Variants in PRKD1 observed in about 807,000 individuals in gnomAD.
PRKD1 encodes protein kinase D1, also known as serine/threonine-protein kinase D1.
PRKD1 carries 63 observed loss-of-function variants against 95.9 expected under a neutral mutation model. The ratio of observed to expected loss-of-function variants is 0.66; its 90% CI spans 0.54 to 0.81. The LOEUF (loss-of-function observed/expected upper bound fraction) is 0.81. PRKD1 is among the 30% of genes least tolerant of loss of function. The pLI, the probability that PRKD1 is intolerant of heterozygous loss-of-function variation, is 0.00. For synonymous variants in PRKD1, 425 were observed against 423.1 expected (o/e 1.00, Z -0.05); for missense variants, 1,048 against 1,165.3 (o/e 0.90, Z 1.47).
intron 1 of PRKD1, among the ~76,000 whole-genome samples, chr14:29,735,922 A>G (rs17386482): frequency 0.15 from 22,421 of 152,274 alleles, 1,984 homozygotes; most frequent in South Asian, 0.22. Context: ...AAAATTAGGT[A>G]GAATAATACC....
chr14:29,701,716 A>G (rs769008628), intron 2 of PRKD1, among the ~76,000 whole-genome samples: 15 of 152,130 alleles, frequency 9.9e-5, no homozygotes, highest in Non-Finnish European at 1.9e-4. Flanking sequence ...TGCTTCCAGC[A>G]ATTGAACTTT....
chr14:29,832,158 T>C (rs1374980532), intron 1 of PRKD1, among the ~76,000 whole-genome samples: 1 of 152,122 alleles, frequency 6.6e-6, no homozygotes, highest in Non-Finnish European at 1.5e-5. Context: ...TCCAAAGCGA[T>C]TGTACCAACT....
At chr14:29,895,692 G>C (rs1894100410) in intron 1 of PRKD1, among the ~76,000 whole-genome samples, 2 of 152,124 alleles carry the variant, frequency 1.3e-5, no homozygotes, top group Admixed American at 1.3e-4. Flanking sequence ...CTGCTGTCCT[G>C]CAAGCACTTT....
intron 16 of PRKD1, among the ~76,000 whole-genome samples, chr14:29,590,466 C>G (rs1329512980): frequency 6.6e-6 from 1 of 152,162 alleles, no homozygotes; most frequent in Non-Finnish European, 1.5e-5. Flanking sequence ...CTCATTCACT[C>G]TGACAGAATC....
intron 1 of PRKD1, among the ~76,000 whole-genome samples, chr14:29,914,828 A>G (rs939052989): frequency 6.6e-6 from 1 of 150,912 alleles, no homozygotes; most frequent in Non-Finnish European, 1.5e-5. Context: ...GCTGGAGTGC[A>G]GTGGCGTGAT....
chr14:29,659,790 A>G (rs191155934), intron 4 of PRKD1, among the ~76,000 whole-genome samples: 137 of 152,332 alleles, frequency 9.0e-4, no homozygotes, highest in African/African-American at 3.2e-3. Context: ...TATATTTTAA[A>G]TAACGTTGTC....
At chr14:29,640,613 A>G (rs2139143079) in intron 4 of PRKD1, among the ~76,000 whole-genome samples, 1 of 152,326 alleles carries the variant, frequency 6.6e-6, no homozygotes, top group Non-Finnish European at 1.5e-5. Context: ...TTGAATAAAT[A>G]CTTTCAATGG....
At chr14:29,785,678 G>C (rs892530892) in intron 1 of PRKD1, among the ~76,000 whole-genome samples, 8 of 151,120 alleles carry the variant, frequency 5.3e-5, no homozygotes, top group Non-Finnish European at 8.8e-5. Context: ...GTTGTGGGGT[G>C]GGGGGAAGGG....
At chr14:29,664,160 G>C (rs1882349813) in intron 3 of PRKD1, among the ~76,000 whole-genome samples, 1 of 152,112 alleles carries the variant, frequency 6.6e-6, no homozygotes, top group Non-Finnish European at 1.5e-5. Context: ...TAGATAATCT[G>C]AGCCACTTTT....
chr14:29,758,610 G>A (rs752273365), intron 1 of PRKD1, among the ~76,000 whole-genome samples: 2 of 152,082 alleles, frequency 1.3e-5, no homozygotes, highest in Non-Finnish European at 2.9e-5. Context: ...TTTGCAAAAG[G>A]TCAATTCTTC....
chr14:29,682,309 G>C (rs1030464594), intron 2 of PRKD1, among the ~76,000 whole-genome samples: 1 of 152,146 alleles, frequency 6.6e-6, no homozygotes, highest in African/African-American at 2.4e-5. Flanking sequence ...CACTTTGGTA[G>C]GAGAGAAGAT....
chr14:29,886,488 AGTT>A lies in PRKD1; in HGVS notation c.264+40758_264+40760del, dbSNP rs368709683. 9.5e-4 allele frequency among the ~76,000 whole-genome samples: 145 copies of A among 152,330 alleles called. 3 individuals carry two copies. The highest frequency in any genetic ancestry group is 3.4e-3 in the African/African-American group (140 of 41,594). The stretch of plus-strand genomic sequence containing the variant: ...CCCCAGCCAAAGGAAACAAAACCAT[AGTT>A]CTACTAAACTGGTGGCAATGCCTTT... On this transcript the variant is annotated intron_variant, in intron 1 of 17. Coordinates refer to ENST00000331968, the MANE Select transcript of PRKD1 (RefSeq NM_002742.3).
At chr14:29,687,010 TG>T (rs5807549) in intron 2 of PRKD1, among the ~76,000 whole-genome samples, 152,198 of 152,198 alleles carry the variant, frequency 1, 76,099 homozygotes, top group Non-Finnish European at 1. Flanking sequence ...CTGCCCAGGT[TG>T]CTGTGGCTTG....
At chr14:29,615,425 T>C (rs2139061775) in intron 13 of PRKD1, among the ~76,000 whole-genome samples, 1 of 152,370 alleles carries the variant, frequency 6.6e-6, no homozygotes, top group East Asian at 1.9e-4. Context: ...AGATCACTCT[T>C]TTAAAATAAT....
intron 3 of PRKD1, among the ~76,000 whole-genome samples, chr14:29,664,261 G>A (rs1267942592): frequency 1.3e-5 from 2 of 152,112 alleles, no homozygotes; most frequent in African/African-American, 4.8e-5. Context: ...TTGAATCTGG[G>A]CCTCATAACT....
At chr14:29,777,876 T>C (rs1417959501) in intron 1 of PRKD1, among the ~76,000 whole-genome samples, 30 of 152,242 alleles carry the variant, frequency 2.0e-4, no homozygotes, top group East Asian at 1.2e-3. Flanking sequence ...TATTCCAAAA[T>C]TGACCACAAA....
intron 1 of PRKD1, among the ~76,000 whole-genome samples, chr14:29,754,566 A>G (rs1320278381): frequency 6.6e-6 from 1 of 152,006 alleles, no homozygotes. Context: ...AATTTTTCCA[A>G]TTATCTATTA....
At chr14:29,885,827 A>AAAAT (rs1893686062) in intron 1 of PRKD1, among the ~76,000 whole-genome samples, 4 of 146,034 alleles carry the variant, frequency 2.7e-5, no homozygotes, top group African/African-American at 5.3e-5. Context: ...AAAAAAAAAA[A>AAAAT]AAATAGCCAG....
chr14:29,612,702 GACATA>G (rs1878552544), intron 13 of PRKD1, among the ~76,000 whole-genome samples: 1 of 151,922 alleles, frequency 6.6e-6, no homozygotes, highest in Non-Finnish European at 1.5e-5. Flanking sequence ...CCCTATTTTA[GACATA>G]TATACATAAC....
Sources: allele counts gnomAD v4.1 joint callset (sites outside exome capture counted in the v4.1 genomes callset), GRCh38; gene constraint gnomAD v4.1.1; transcripts MANE v1.5; gene names NCBI Gene and HGNC (gene_info 2026-07-23, HGNC 2026-07-21).